The following ATG10 variants were observed in gnomAD, a reference collection of about 807,000 sequenced individuals.
The protein encoded by ATG10 is ubiquitin-like-conjugating enzyme ATG10.
In ATG10, 30 loss-of-function variants were observed where a neutral mutation model predicts 32.1. That is an observed-to-expected ratio of 0.94 (90% CI 0.70 to 1.27). The LOEUF is 1.27. ATG10 is among the 50% of genes most tolerant of loss of function. The pLI is 0.00. For missense variants in ATG10, 233 were observed against 262.3 expected (o/e 0.89, Z 0.77); for synonymous variants, 87 against 91.5 (o/e 0.95, Z 0.28).
At chr5:82,019,067 G>GT (rs1762368309) in intron 2 of ATG10, among the ~76,000 whole-genome samples, 1 of 152,138 alleles carries the variant, frequency 6.6e-6, no homozygotes, top group Non-Finnish European at 1.5e-5. Flanking sequence ...AAATGAGTGA[G>GT]TGAGTATCTG....
chr5:82,231,116 T>C (rs922135077), intron 5 of ATG10, among the ~76,000 whole-genome samples: 3 of 152,182 alleles, frequency 2.0e-5, no homozygotes, highest in Non-Finnish European at 4.4e-5. Context: ...TAAATCAAGG[T>C]TCATCTCATG....
chr5:82,082,777 T>C (rs1247251626), intron 3 of ATG10, among the ~76,000 whole-genome samples: 3 of 152,238 alleles, frequency 2.0e-5, no homozygotes, highest in Non-Finnish European at 4.4e-5. Context: ...GAGATATATT[T>C]ATAATTTTTC....
chr5:82,080,630 C>T (rs370077732), intron 3 of ATG10, among the ~76,000 whole-genome samples: 1 of 152,164 alleles, frequency 6.6e-6, no homozygotes, highest in African/African-American at 2.4e-5. Flanking sequence ...ATCCTTTCCC[C>T]ATTGCTTGTT....
intron 5 of ATG10, among the ~76,000 whole-genome samples, chr5:82,227,387 A>C (rs535110246): frequency 6.6e-6 from 1 of 151,630 alleles, no homozygotes; most frequent in Admixed American, 6.6e-5. Flanking sequence ...TTTTATTATT[A>C]TTTTTTTGAG....
At chr5:82,224,981 A>G (rs1746064509) in intron 5 of ATG10, among the ~76,000 whole-genome samples, 1 of 152,226 alleles carries the variant, frequency 6.6e-6, no homozygotes, top group Non-Finnish European at 1.5e-5. Context: ...ATGAATGCTG[A>G]AATTAAATTA....
intron 2 of ATG10, among the ~76,000 whole-genome samples, chr5:82,051,426 A>G (rs1428887914): frequency 1.3e-5 from 2 of 152,190 alleles, no homozygotes; most frequent in African/African-American, 2.4e-5. Flanking sequence ...ATAAATCCCA[A>G]AATACTGCAG....
chr5:82,203,936 C>G (rs1475466471), intron 5 of ATG10, among the ~76,000 whole-genome samples: 3 of 152,062 alleles, frequency 2.0e-5, no homozygotes. Context: ...CATTGAGCAC[C>G]TATGAGGTAC....
In ATG10 at chr5:82,135,746, A is replaced by C. The variant is rs958482833; in HGVS notation, c.217-28653A>C. Among the ~76,000 whole-genome samples, 8 of 152,250 alleles carry C rather than the reference A, an allele frequency of 5.3e-5. 1 individual carries two copies. The highest frequency in any genetic ancestry group is 1.7e-4 in the African/African-American group (7 of 41,454). On this transcript the variant is annotated intron_variant, in intron 3 of 7. Coordinates refer to ENST00000282185, the MANE Select transcript of ATG10 (RefSeq NM_031482.5). ...GATGTCTATTAGGTCCACTTGGTCC[A>C]GAGCCGAGTTCAAGTCCTGAATATC...
At chr5:82,163,613 G>A (rs1177298057) in intron 3 of ATG10, among the ~76,000 whole-genome samples, 1 of 152,110 alleles carries the variant, frequency 6.6e-6, no homozygotes, top group Non-Finnish European at 1.5e-5. Context: ...ATAAATAAGT[G>A]AAAGTGGATG....
Position 82,070,488 on chromosome 5 carries a change from A to G in ATG10, c.216+11886A>G, listed in dbSNP as rs1032412168. ...AAAGAAGGGGAAAAATATCAATGTA[A>G]CAATTATCTTAAACTCTGAAATTCT... On this transcript the variant is annotated intron_variant, in intron 3 of 7. Coordinates refer to ENST00000282185, the MANE Select transcript of ATG10 (RefSeq NM_031482.5). 2.6e-5 allele frequency among the ~76,000 whole-genome samples: 4 copies of G among 152,136 alleles called. No individual in the cohort carries two copies. In the East Asian group the frequency reaches 5.8e-4, roughly 22 times the overall value.
intron 3 of ATG10, among the ~76,000 whole-genome samples, chr5:82,084,099 A>G (rs1270632033): frequency 1.3e-5 from 2 of 152,194 alleles, no homozygotes; most frequent in Non-Finnish European, 2.9e-5. Context: ...GATTAGACGA[A>G]TGGCTAACTA....
At chr5:82,012,667 T>C (rs1372029891) in intron 2 of ATG10, among the ~76,000 whole-genome samples, 1 of 152,056 alleles carries the variant, frequency 6.6e-6, no homozygotes, top group Non-Finnish European at 1.5e-5. Context: ...TTTTTACTGT[T>C]TTTTTTTGAG....
At chr5:82,190,714 C>T (rs1744625665) in intron 5 of ATG10, among the ~76,000 whole-genome samples, 1 of 124,488 alleles carries the variant, frequency 8.0e-6, no homozygotes, top group African/African-American at 3.1e-5. Flanking sequence ...GCAGAGCTTG[C>T]AGTGAGCCGA....
chr5:82,013,932 T>A (rs768731957), intron 2 of ATG10, among the ~76,000 whole-genome samples: 3 of 152,148 alleles, frequency 2.0e-5, no homozygotes, highest in Non-Finnish European at 4.4e-5. Flanking sequence ...GATTGTGAAT[T>A]TTAGATCTAT....
chr5:82,216,853 A>C (rs1242223161), intron 5 of ATG10, among the ~76,000 whole-genome samples: 1 of 152,050 alleles, frequency 6.6e-6, no homozygotes, highest in African/African-American at 2.4e-5. Flanking sequence ...TCAGGAGTTC[A>C]AGACCAGCCT....
At chr5:81,975,994 ATTTAT>A (rs1215732696) in intron 1 of ATG10, among the ~76,000 whole-genome samples, 3 of 149,550 alleles carry the variant, frequency 2.0e-5, no homozygotes, top group Non-Finnish European at 1.5e-5. Flanking sequence ...TTATTTATTT[ATTTAT>A]TTTATCTTTT....
chr5:81,988,007 A>G (rs1761340095), intron 2 of ATG10, among the ~76,000 whole-genome samples: 1 of 152,358 alleles, frequency 6.6e-6, no homozygotes, highest in Middle Eastern at 3.4e-3. Flanking sequence ...TCCTAAGTTA[A>G]TATTCTTAGG....
chr5:82,067,921 A>G (rs2149763412), intron 3 of ATG10, among the ~76,000 whole-genome samples: 1 of 152,298 alleles, frequency 6.6e-6, no homozygotes, highest in South Asian at 2.1e-4. Context: ...GATCATTTCT[A>G]GCAGCAGCTG....
At chr5:82,219,830 T>A (rs1745845546) in intron 5 of ATG10, among the ~76,000 whole-genome samples, 1 of 152,224 alleles carries the variant, frequency 6.6e-6, no homozygotes, top group African/African-American at 2.4e-5. Flanking sequence ...AAGTGATTTA[T>A]TTTTTCCTCT....
Sources: allele counts gnomAD v4.1 joint callset (sites outside exome capture counted in the v4.1 genomes callset), GRCh38; gene constraint gnomAD v4.1.1; transcripts MANE v1.5; gene names NCBI Gene and HGNC (gene_info 2026-07-23, HGNC 2026-07-21).